The following ATP10A variants were observed in gnomAD, a reference collection of about 807,000 sequenced individuals.
The protein encoded by ATP10A is ATPase phospholipid transporting 10A (putative), also known as phospholipid-transporting ATPase VA.
ATP10A carries 111 observed loss-of-function variants against 147.8 expected under a neutral mutation model. That is an observed-to-expected ratio of 0.75 (90% CI 0.64 to 0.88). The LOEUF (loss-of-function observed/expected upper bound fraction) is 0.88, where lower values mean the gene tolerates loss of function less well. Ranked by LOEUF, ATP10A falls within the 40% of genes least tolerant of loss-of-function variation. The pLI is 0.00. For synonymous variants in ATP10A, 875 were observed against 841.6 expected (o/e 1.04, Z -0.69); for missense variants, 1,927 against 1,959.0 (o/e 0.98, Z 0.31).
intron 1 of ATP10A, among the ~76,000 whole-genome samples, chr15:25,819,372 G>A (rs1178337686): frequency 1.3e-5 from 2 of 152,236 alleles, no homozygotes; most frequent in East Asian, 1.9e-4. Context: ...ACCCCAATGC[G>A]ATACCTCCTT....
At chr15:25,808,237 CTA>C (rs2140807076) in intron 1 of ATP10A, among the ~76,000 whole-genome samples, 1 of 152,278 alleles carries the variant, frequency 6.6e-6, no homozygotes, top group East Asian at 1.9e-4. Context: ...CATGGGTTTA[CTA>C]TCCTGCAGGG....
chr15:25,785,872 G>T (rs1200467742), intron 1 of ATP10A, among the ~76,000 whole-genome samples: 2 of 152,258 alleles, frequency 1.3e-5, no homozygotes, highest in African/African-American at 2.4e-5. Flanking sequence ...CAGGGGCAGG[G>T]TCTGCTTGGA....
chr15:25,853,012 CG>C (rs1193020711), intron 1 of ATP10A, among the ~76,000 whole-genome samples: 1 of 152,182 alleles, frequency 6.6e-6, no homozygotes, highest in Non-Finnish European at 1.5e-5. Context: ...CCTACAAGGG[CG>C]TTTTAATTGT....
chr15:25,839,232 T>C (rs1892709229), intron 1 of ATP10A, among the ~76,000 whole-genome samples: 1 of 152,176 alleles, frequency 6.6e-6, no homozygotes, highest in South Asian at 2.1e-4. Flanking sequence ...CGTCGGCGCA[T>C]CCCTGCCAAC....
intron 1 of ATP10A, among the ~76,000 whole-genome samples, chr15:25,846,586 A>T (rs1413962700): frequency 6.6e-6 from 1 of 152,116 alleles, no homozygotes; most frequent in Non-Finnish European, 1.5e-5. Flanking sequence ...CACACTGCTG[A>T]GCGTTCTTCA....
chr15:25,691,372 G>T (rs529631806), intron 15 of ATP10A, among the ~76,000 whole-genome samples: 1 of 152,300 alleles, frequency 6.6e-6, no homozygotes, highest in African/African-American at 2.4e-5. Context: ...ATTGCTCCGT[G>T]TTCACGGACA....
chr15:25,839,588 GA>G (rs1419121009), intron 1 of ATP10A, among the ~76,000 whole-genome samples: 4 of 152,166 alleles, frequency 2.6e-5, no homozygotes, highest in African/African-American at 9.7e-5. Flanking sequence ...GCTGGGTCCT[GA>G]AAACCTCACA....
chr15:25,791,676 C>A (rs926707483), intron 1 of ATP10A, among the ~76,000 whole-genome samples: 1 of 152,140 alleles, frequency 6.6e-6, no homozygotes, highest in African/African-American at 2.4e-5. Flanking sequence ...TGTGAGCCAC[C>A]GTGCCTGGCC....
At chr15:25,705,454 C>CAAAAAAAAAAAAAA (rs367718474) in intron 12 of ATP10A, among the ~76,000 whole-genome samples, 10 of 81,974 alleles carry the variant, frequency 1.2e-4, no homozygotes, top group Admixed American at 2.6e-4. Flanking sequence ...AAAAAAAAAA[C>CAAAAAAAAAAAAAA]AAAAAAAAAA....
Position 25,766,424 on chromosome 15 carries a change from C to T in ATP10A, c.654+14595G>A, listed in dbSNP as rs1405738296. ...GTAGCCTGCCTGTATAATCAAGTGT[C>T]TCACTGTGCTGTGGTCAGGCCCTCA... On this transcript the variant is annotated intron_variant, in intron 2 of 20. Coordinates refer to ENST00000555815, the MANE Select transcript of ATP10A (RefSeq NM_024490.4). Among the ~76,000 whole-genome samples, 5 of 152,232 alleles carry T rather than the reference C, an allele frequency of 3.3e-5. No homozygotes were observed. In the East Asian group the frequency reaches 5.8e-4, roughly 18 times the overall value.
At chr15:25,803,748 A>T (rs901391571) in intron 1 of ATP10A, among the ~76,000 whole-genome samples, 9 of 152,190 alleles carry the variant, frequency 5.9e-5, no homozygotes, top group Non-Finnish European at 1.5e-5. Context: ...AGAAAATCTG[A>T]GAATGACACC....
At chr15:25,749,598 C>A (rs1888041762) in intron 2 of ATP10A, among the ~76,000 whole-genome samples, 2 of 152,120 alleles carry the variant, frequency 1.3e-5, no homozygotes, top group Non-Finnish European at 2.9e-5. Context: ...TATCTGGCAT[C>A]CTATTAAAGA....
chr15:25,779,364 C>G (rs1457092687), intron 2 of ATP10A, among the ~76,000 whole-genome samples: 1 of 152,252 alleles, frequency 6.6e-6, no homozygotes, highest in Non-Finnish European at 1.5e-5. Context: ...TGTGCACAGG[C>G]TGCTCCTCTC....
At chr15:25,761,552 G>GGGT (rs1345135336) in intron 2 of ATP10A, among the ~76,000 whole-genome samples, 1 of 152,246 alleles carries the variant, frequency 6.6e-6, no homozygotes, top group Non-Finnish European at 1.5e-5. Context: ...AAAGCCACAA[G>GGGT]GGTGGAGCTA....
chr15:25,797,406 G>A (rs1890722581), intron 1 of ATP10A, among the ~76,000 whole-genome samples: 1 of 152,168 alleles, frequency 6.6e-6, no homozygotes, highest in African/African-American at 2.4e-5. Context: ...AGTCCCCTGA[G>A]GCCAGTGCCA....
At chr15:25,755,069 C>G (rs1283069358) in intron 2 of ATP10A, among the ~76,000 whole-genome samples, 5 of 152,192 alleles carry the variant, frequency 3.3e-5, no homozygotes, top group African/African-American at 4.8e-5. Flanking sequence ...TAGGCTAACA[C>G]TCTGTCTGAA....
downstream of ATP10A, among the ~76,000 whole-genome samples, chr15:25,677,041 A>G (rs1263851671): frequency 6.6e-6 from 1 of 152,132 alleles, no homozygotes; most frequent in Non-Finnish European, 1.5e-5. Flanking sequence ...AGTGAAGAGG[A>G]CATAGTATCT....
chr15:25,707,983 G>C lies in ATP10A; in HGVS notation c.2568C>G (p.His856Gln). The C allele has an allele frequency of 6.2e-7, 1 of 1,614,126 alleles. No homozygotes were observed. Among genetic ancestry groups the C allele is most frequent in the Non-Finnish European group, 8.5e-7 (1 of 1,179,998 alleles). The change falls in exon 12 of 21, where the codon CAC (histidine) becomes CAG (glutamine). Residue 856 changes from histidine to glutamine, a missense_variant. Physicochemically the swap from His to Gln is conservative, Grantham distance 24. Coordinates refer to ENST00000555815, the MANE Select transcript of ATP10A (RefSeq NM_024490.4). Reference sequence around the variant, plus strand: ...GACTCTCAAGTTAATTACCTAACAAGTGCAGGTTGGTCTCCAGGCGAATGG... The same window carrying C: ...GACTCTCAAGTTAATTACCTAACAACTGCAGGTTGGTCTCCAGGCGAATGG... Reference protein sequence around the residue: ...QSAIRLETNLHLLGATGIEDR... With the variant: ...QSAIRLETNLQLLGATGIEDR...
intron 17 of ATP10A, 40 bp downstream of exon 17, chr15:25,683,246 A>G: frequency 1.3e-6 from 2 of 1,589,376 alleles, no homozygotes; most frequent in Non-Finnish European, 1.7e-6. Context: ...TGGAGGGCAG[A>G]GCTCAGGAGG....
Sources: gnomAD v4.1 joint callset for allele counts (sites outside exome capture counted in the v4.1 genomes callset) on GRCh38, gnomAD v4.1.1 for gene constraint, MANE v1.5 for transcripts, NCBI Gene and HGNC (gene_info 2026-07-23, HGNC 2026-07-21) for gene names.